SHISA9: variants seen among roughly 807,000 people sequenced by gnomAD.
The protein encoded by SHISA9 is protein shisa-9.
SHISA9 carries 13 observed loss-of-function variants against 38.0 expected under a neutral mutation model. The ratio of observed to expected loss-of-function variants is 0.34; its 90% confidence interval spans 0.22 to 0.54. The LOEUF is 0.54. Among genes scored for constraint, SHISA9 ranks in the 20% least tolerant of loss-of-function variants. The pLI is 0.91. For missense variants in SHISA9, 538 were observed against 575.8 expected, an observed-to-expected ratio of 0.93 and a Z score of 0.67; for synonymous variants, 275 against 242.0, an observed-to-expected ratio of 1.14 and a Z score of -1.27.
chr16:13,316,909 A>G, the SHISA9 span, among the ~76,000 whole-genome samples: 36 of 152,224 alleles, frequency 2.4e-4, no homozygotes, highest in African/African-American at 8.7e-4. Context: ...ATGCAAGCCC[A>G]TGCACCTCCT....
the SHISA9 span, among the ~76,000 whole-genome samples, chr16:13,343,401 A>G: frequency 6.6e-6 from 1 of 152,150 alleles, no homozygotes; most frequent in Non-Finnish European, 1.5e-5. Context: ...TAGTACCACA[A>G]ATAAAATGCT....
intron 1 of SHISA9, chr16:12,909,324 C>T: frequency 1.0e-6 from 1 of 985,424 alleles, no homozygotes; most frequent in Non-Finnish European, 1.2e-6. Context: ...AGAAAGCTCA[C>T]TCATGCCCAT....
chr16:13,141,455 G>C (rs1001027175), intron 2 of SHISA9, among the ~76,000 whole-genome samples: 7 of 152,056 alleles, frequency 4.6e-5, no homozygotes, highest in Non-Finnish European at 7.3e-5. Flanking sequence ...GGGAGGCCAA[G>C]GCAAGCAGAT....
At chr16:13,166,794 G>C (rs2050640208) in intron 2 of SHISA9, among the ~76,000 whole-genome samples, 1 of 152,154 alleles carries the variant, frequency 6.6e-6, no homozygotes, top group Non-Finnish European at 1.5e-5. Context: ...CCAGACCATG[G>C]TGGCAGAAGC....
intron 2 of SHISA9, among the ~76,000 whole-genome samples, chr16:13,131,277 G>A (rs1402607394): frequency 6.6e-6 from 1 of 152,182 alleles, no homozygotes; most frequent in Non-Finnish European, 1.5e-5. Flanking sequence ...GAAATACTGT[G>A]CAGCCATAGA....
At chr16:12,934,689 T>A (rs188950257) in intron 2 of SHISA9, among the ~76,000 whole-genome samples, 77 of 152,312 alleles carry the variant, frequency 5.1e-4, no homozygotes, top group African/African-American at 1.8e-3. Context: ...ATTTCAAAGT[T>A]ATCAGCCAAG....
chr16:13,289,915 C>T, the SHISA9 span, among the ~76,000 whole-genome samples: 3 of 152,162 alleles, frequency 2.0e-5, no homozygotes, highest in Non-Finnish European at 1.5e-5. Context: ...CTGACTAACA[C>T]TGACATCACT....
the SHISA9 span, among the ~76,000 whole-genome samples, chr16:13,556,412 T>A: frequency 6.6e-6 from 1 of 152,044 alleles, no homozygotes; most frequent in African/African-American, 2.4e-5. Context: ...TAATAAACAA[T>A]CAGCTTGGGA....
At chr16:13,403,698 G>A in the SHISA9 span, among the ~76,000 whole-genome samples, 1 of 152,218 alleles carries the variant, frequency 6.6e-6, no homozygotes, top group South Asian at 2.1e-4. Context: ...ATCATCTTCT[G>A]AGTAGGTTGT....
At chr16:13,480,392 G>A in the SHISA9 span, among the ~76,000 whole-genome samples, 1 of 152,064 alleles carries the variant, frequency 6.6e-6, no homozygotes, top group Non-Finnish European at 1.5e-5. Context: ...GTCACTCTTG[G>A]CCTCTCTTGA....
the SHISA9 span, among the ~76,000 whole-genome samples, chr16:13,274,521 T>A: frequency 1.3e-5 from 2 of 152,194 alleles, no homozygotes; most frequent in Non-Finnish European, 2.9e-5. Flanking sequence ...GGTTTAATTT[T>A]AAGTTTTAAT....
At chr16:13,091,438 A>G (rs923517234) in intron 2 of SHISA9, among the ~76,000 whole-genome samples, 7 of 152,192 alleles carry the variant, frequency 4.6e-5, no homozygotes, top group Admixed American at 3.3e-4. Flanking sequence ...AGGTATGCCA[A>G]TCAAATGTAG....
chr16:13,178,842 TTTG>T (rs147399036), intron 2 of SHISA9, among the ~76,000 whole-genome samples: 15 of 151,640 alleles, frequency 9.9e-5, no homozygotes, highest in East Asian at 3.9e-4. Context: ...AGGCCAGGTT[TTTG>T]TTGTTGTTGT....
intron 2 of SHISA9, among the ~76,000 whole-genome samples, chr16:13,128,970 C>G (rs1166708374): frequency 2.6e-5 from 4 of 152,196 alleles, no homozygotes; most frequent in Non-Finnish European, 4.4e-5. Context: ...TTGCTGTTTA[C>G]AGAAGTGGTT....
the SHISA9 span, among the ~76,000 whole-genome samples, chr16:13,462,244 C>G: frequency 6.9e-6 from 1 of 144,272 alleles, no homozygotes; most frequent in Non-Finnish European, 1.5e-5. Flanking sequence ...CTACCTCTAC[C>G]AAAAAAAAAA....
At chr16:13,224,742 C>T (rs1331379888) in intron 4 of SHISA9, among the ~76,000 whole-genome samples, 1 of 152,094 alleles carries the variant, frequency 6.6e-6, no homozygotes, top group South Asian at 2.1e-4. Flanking sequence ...AGGGATAGGT[C>T]ATCAGAGCCA....
At chr16:13,145,398 G>T (rs1210782496) in intron 2 of SHISA9, among the ~76,000 whole-genome samples, 1 of 152,166 alleles carries the variant, frequency 6.6e-6, no homozygotes, top group African/African-American at 2.4e-5. Context: ...GTGGTGGTAG[G>T]CACCTTTAAT....
At chr16:13,257,933 C>T in the SHISA9 span, among the ~76,000 whole-genome samples, 2 of 152,298 alleles carry the variant, frequency 1.3e-5, no homozygotes, top group African/African-American at 4.8e-5. Flanking sequence ...ATTTTGCAAG[C>T]ATCCTTCGCT....
chr16:12,963,747 C>G (rs2071941141), intron 2 of SHISA9, among the ~76,000 whole-genome samples: 1 of 152,058 alleles, frequency 6.6e-6, no homozygotes, highest in African/African-American at 2.4e-5. Flanking sequence ...ATTTCTGGCT[C>G]TCCAGTCTAG....
Sources: allele counts gnomAD v4.1 joint callset (sites outside exome capture counted in the v4.1 genomes callset), GRCh38; gene constraint gnomAD v4.1.1; transcripts MANE v1.5; gene names NCBI Gene and HGNC (gene_info 2026-07-23, HGNC 2026-07-21).